The following RNF115 variants were observed in gnomAD, a reference collection of about 807,000 sequenced individuals.
The protein encoded by RNF115 is ring finger protein 115, also known as E3 ubiquitin-protein ligase RNF115.
A neutral mutation model predicts 39.2 loss-of-function variants in RNF115; 31 were observed. The ratio of observed to expected loss-of-function variants is 0.79; its 90% CI spans 0.59 to 1.07. RNF115 has a LOEUF of 1.07. RNF115 is among the 50% of genes least tolerant of loss of function. The probability of loss-of-function intolerance (pLI) is 0.00; values close to 1 mark genes in which losing one functional copy is unlikely to be tolerated. For synonymous variants in RNF115, 124 were observed against 131.0 expected, an observed-to-expected ratio of 0.95 and a Z score of 0.37; for missense variants, 384 against 381.7, an observed-to-expected ratio of 1.01 and a Z score of -0.05.
intron 1 of RNF115, among the ~76,000 whole-genome samples, chr1:145,821,429 T>C (rs1650229939): frequency 8.3e-6 from 1 of 120,388 alleles, no homozygotes; most frequent in Admixed American, 9.1e-5. Context: ...ATATAATCAA[T>C]TGGGGAAGTT....
intron 6 of RNF115, 51 bp downstream of exon 6, chr1:145,751,387 G>C: frequency 7.9e-7 from 1 of 1,273,624 alleles, no homozygotes; most frequent in Non-Finnish European, 1.1e-6. Flanking sequence ...CAGGAAGCCT[G>C]TGGAACCATG....
chr1:145,814,794 A>G (rs1253583120), intron 1 of RNF115, among the ~76,000 whole-genome samples: 3 of 152,292 alleles, frequency 2.0e-5, no homozygotes, highest in Non-Finnish European at 2.9e-5. Flanking sequence ...GCCTCTACCT[A>G]TAAGAATACA....
chr1:145,764,116 G>C (rs1465482744), intron 4 of RNF115, among the ~76,000 whole-genome samples: 1 of 152,220 alleles, frequency 6.6e-6, no homozygotes, highest in Non-Finnish European at 1.5e-5. Flanking sequence ...GGGTTTCGCT[G>C]TGTTGGCCGG....
rs1657753885 is a variant in RNF115, at chr1:145,743,596, A to G, written c.*3270T>C. 6.6e-6 allele frequency: 1 copy of G among 151,774 alleles called. No homozygotes were observed. The highest frequency in any genetic ancestry group is 2.1e-4 in the South Asian group (1 of 4,796). 9.4% of individuals were successfully genotyped at this position (151,774 alleles called of 1,614,324 possible). On this transcript the variant is annotated 3_prime_UTR_variant, in exon 9 of 9. Coordinates refer to ENST00000582693, the MANE Select transcript of RNF115 (RefSeq NM_014455.4). ...AGAGTTCAAGACCAGCCTGGCCAAC[A>G]AGGTAAAACCTTGTCTCTACTAAAC...
intron 5 of RNF115, among the ~76,000 whole-genome samples, chr1:145,752,011 T>C (rs587617893): frequency 6.6e-6 from 1 of 152,228 alleles, no homozygotes; most frequent in South Asian, 2.1e-4. Flanking sequence ...TAAAAGGGAC[T>C]TGGCAACACC....
chr1:145,739,146 A>G lies in RNF115; in HGVS notation c.*7720T>C, dbSNP rs1353522022. 1 of 152,286 alleles carries G rather than the reference A, an allele frequency of 6.6e-6. No individual in the cohort carries two copies. The highest frequency in any genetic ancestry group is 1.9e-4 in the East Asian group (1 of 5,218). The allele number at this position is 152,286 out of a possible 1,614,324, so 9.4% of individuals were successfully genotyped here. ...CATTTCTCTTTTTAAATAAATGCCC[A>G]TAGCAGTATTTGGAGTCTTTTCTTT... On this transcript the variant is annotated 3_prime_UTR_variant, in exon 9 of 9. Coordinates refer to ENST00000582693, the MANE Select transcript of RNF115 (RefSeq NM_014455.4).
At chr1:145,813,664 A>T (rs1327152092) in intron 1 of RNF115, among the ~76,000 whole-genome samples, 1 of 152,106 alleles carries the variant, frequency 6.6e-6, no homozygotes, top group African/African-American at 2.4e-5. Flanking sequence ...TCCTGTTCTA[A>T]ACACTCTCTC....
chr1:145,799,596 T>C (rs1302753021), intron 1 of RNF115, among the ~76,000 whole-genome samples: 2 of 150,010 alleles, frequency 1.3e-5, no homozygotes, highest in Non-Finnish European at 3.0e-5. Flanking sequence ...GTGGGCTTTT[T>C]TTTGTTGGGG....
intron 4 of RNF115, among the ~76,000 whole-genome samples, chr1:145,758,420 T>C (rs1658380077): frequency 6.6e-6 from 1 of 152,160 alleles, no homozygotes; most frequent in African/African-American, 2.4e-5. Context: ...GACATGTTGA[T>C]TATAACCTCA....
intron 3 of RNF115, among the ~76,000 whole-genome samples, chr1:145,781,660 T>C (rs1648153347): frequency 6.6e-6 from 1 of 152,130 alleles, no homozygotes; most frequent in Non-Finnish European, 1.5e-5. Context: ...GATGATTATT[T>C]CCCAATTTAC....
chr1:145,747,854 A>G (rs1657931603), intron 8 of RNF115, 141 bp downstream of exon 8: 4 of 630,832 alleles, frequency 6.3e-6, no homozygotes, highest in Admixed American at 2.6e-5. Flanking sequence ...CCTTGGTCAG[A>G]AAAGTTCCAA....
intron 4 of RNF115, among the ~76,000 whole-genome samples, chr1:145,762,084 G>A (rs782032620): frequency 6.6e-6 from 1 of 152,188 alleles, no homozygotes; most frequent in Admixed American, 6.5e-5. Flanking sequence ...CCGTATTTAC[G>A]AAATACCTGT....
intron 4 of RNF115, among the ~76,000 whole-genome samples, chr1:145,770,172 C>T (rs1341449349): frequency 6.6e-6 from 1 of 152,100 alleles, no homozygotes; most frequent in Non-Finnish European, 1.5e-5. Flanking sequence ...GGGCATGTGA[C>T]AAAATCATTA....
At chr1:145,805,923 G>C (rs971856765) in intron 1 of RNF115, among the ~76,000 whole-genome samples, 4 of 152,166 alleles carry the variant, frequency 2.6e-5, no homozygotes, top group African/African-American at 4.8e-5. Flanking sequence ...GCTATAAAAA[G>C]GGCTGACAAC....
intron 3 of RNF115, among the ~76,000 whole-genome samples, chr1:145,784,040 T>C (rs140758854): frequency 7.9e-5 from 12 of 152,296 alleles, no homozygotes; most frequent in Admixed American, 3.3e-4. Context: ...TCTTGGGATC[T>C]GAAAGGCAAG....
rs183738899 is a variant in RNF115, at chr1:145,758,080, G to A, written c.429-5031C>T. Among the ~76,000 whole-genome samples, 67 of 152,304 alleles carry A rather than the reference G, an allele frequency of 4.4e-4. 1 individual carries two copies. The East Asian group carries it at 7.1e-3, about 16-fold the overall frequency. On this transcript the variant is annotated intron_variant, in intron 4 of 8. Transcript: ENST00000582693. ...AAAATACATCCATAAATTCTCTAGA[G>A]GTGGAGCTAATTCTCTTCTCCTTGA...
intron 4 of RNF115, among the ~76,000 whole-genome samples, chr1:145,760,374 T>C (rs1658452764): frequency 1.3e-5 from 2 of 152,178 alleles, no homozygotes; most frequent in African/African-American, 4.8e-5. Flanking sequence ...AAACCTCCCC[T>C]AGATGGGCTC....
intron 1 of RNF115, among the ~76,000 whole-genome samples, chr1:145,793,195 A>G (rs113980893): frequency 0.83 from 126,548 of 152,216 alleles, 52,814 homozygotes; most frequent in African/African-American, 0.88. Context: ...GCGCATGCCT[A>G]TAGTCCCAGC....
chr1:145,789,491 T>C (rs1270592703), intron 1 of RNF115, among the ~76,000 whole-genome samples: 1 of 151,618 alleles, frequency 6.6e-6, no homozygotes, highest in Non-Finnish European at 1.5e-5. Context: ...CTCCACCTCC[T>C]GGGTTCAAAT....
Sources: gnomAD v4.1 joint callset for allele counts (sites outside exome capture counted in the v4.1 genomes callset) on GRCh38, gnomAD v4.1.1 for gene constraint, MANE v1.5 for transcripts, NCBI Gene and HGNC (gene_info 2026-07-23, HGNC 2026-07-21) for gene names.